STAC: variants seen among roughly 807,000 people sequenced by gnomAD.
STAC encodes the protein SH3 and cysteine rich domain.
In STAC, 43 loss-of-function variants were observed where a neutral mutation model predicts 48.8. The observed-to-expected ratio is 0.88, with a 90% confidence interval of 0.69 to 1.14. The LOEUF (loss-of-function observed/expected upper bound fraction) is 1.14, where lower values mean the gene tolerates loss of function less well. STAC is among the 50% of genes most tolerant of loss of function. The pLI, the probability that STAC is intolerant of heterozygous loss-of-function variation, is 0.00. For missense variants in STAC, 497 were observed against 504.0 expected, an observed-to-expected ratio of 0.99 and a Z score of 0.13; for synonymous variants, 193 against 179.5, an observed-to-expected ratio of 1.07 and a Z score of -0.60.
At chr3:36,456,583 C>T (rs1263563566) in intron 2 of STAC, among the ~76,000 whole-genome samples, 3 of 152,112 alleles carry the variant, frequency 2.0e-5, no homozygotes, top group Non-Finnish European at 4.4e-5. Flanking sequence ...GAGGTCTAGT[C>T]TCTTACATCA....
intron 2 of STAC, among the ~76,000 whole-genome samples, chr3:36,474,318 T>C (rs1196039390): frequency 6.6e-6 from 1 of 152,172 alleles, no homozygotes; most frequent in Admixed American, 6.5e-5. Flanking sequence ...TCTTCTAAGG[T>C]AAACTTTTGG....
At chr3:36,394,950 T>C (rs1005168174) in intron 1 of STAC, among the ~76,000 whole-genome samples, 16 of 151,574 alleles carry the variant, frequency 1.1e-4, no homozygotes, top group African/African-American at 3.6e-4. Flanking sequence ...TATGAATGTA[T>C]ACTGTGAGGT....
chr3:36,511,006 A>G (rs549659214), intron 8 of STAC, among the ~76,000 whole-genome samples: 18 of 151,730 alleles, frequency 1.2e-4, no homozygotes, highest in African/African-American at 4.3e-4. Flanking sequence ...TAACATTGAT[A>G]GAAAAATCAA....
At chr3:36,507,278 C>A (rs1161591427) in intron 8 of STAC, among the ~76,000 whole-genome samples, 1 of 152,114 alleles carries the variant, frequency 6.6e-6, no homozygotes, top group Admixed American at 6.6e-5. Flanking sequence ...CTGACTTGAT[C>A]GAGGTGGATA....
At chr3:36,473,586 T>C (rs1370715534) in intron 2 of STAC, among the ~76,000 whole-genome samples, 1 of 152,170 alleles carries the variant, frequency 6.6e-6, no homozygotes, top group Non-Finnish European at 1.5e-5. Context: ...TGGTTCAAAG[T>C]CTCAGAGCTG....
intron 2 of STAC, among the ~76,000 whole-genome samples, chr3:36,444,117 G>T (rs892849274): frequency 6.6e-6 from 1 of 152,158 alleles, no homozygotes; most frequent in African/African-American, 2.4e-5. Context: ...TCAGTTAAGG[G>T]GTAGGATATT....
intron 2 of STAC, among the ~76,000 whole-genome samples, chr3:36,453,356 G>A (rs959310941): frequency 4.6e-5 from 7 of 152,342 alleles, no homozygotes; most frequent in East Asian, 3.9e-4. Flanking sequence ...GAGAGGCGTG[G>A]GCGGGAACCG....
chr3:36,452,340 C>T (rs115241107), intron 2 of STAC, among the ~76,000 whole-genome samples: 1,948 of 152,262 alleles, frequency 0.013, 51 homozygotes, highest in African/African-American at 0.042. Context: ...TATAGTATAA[C>T]CTTTCAAGGC....
chr3:36,427,944 G>A lies in STAC; in HGVS notation c.112-15420G>A, dbSNP rs73061999. On this transcript the variant is annotated intron_variant, in intron 1 of 10. Transcript: ENST00000273183. ...AAGCCCACACTGAGGAACATTCTAC[G>A]AGACAATTATTCTGTACTCTTTAAA... 3.0e-3 allele frequency among the ~76,000 whole-genome samples: 459 copies of A among 152,192 alleles called. 1 individual carries two copies. The highest frequency in any genetic ancestry group is 5.2e-3 in the Non-Finnish European group (355 of 67,996).
chr3:36,408,020 G>C (rs1283779192), intron 1 of STAC, among the ~76,000 whole-genome samples: 1 of 152,184 alleles, frequency 6.6e-6, no homozygotes, highest in Non-Finnish European at 1.5e-5. Flanking sequence ...TCAGTAACTA[G>C]AGGCCACTGT....
chr3:36,432,778 G>T (rs946900841), intron 1 of STAC, among the ~76,000 whole-genome samples: 2 of 149,268 alleles, frequency 1.3e-5, no homozygotes, highest in African/African-American at 4.9e-5. Context: ...GCATCTTTCG[G>T]ACCCATTTTC....
chr3:36,401,675 G>A (rs2125627392), intron 1 of STAC, among the ~76,000 whole-genome samples: 1 of 152,310 alleles, frequency 6.6e-6, no homozygotes, highest in African/African-American at 2.4e-5. Context: ...ACAGAAGGCA[G>A]AGCCAGATAT....
At position 36,546,306 on chromosome 3, in the gene STAC, C is replaced by T. The variant is rs936083682; in HGVS notation, c.*17C>T. On this transcript the variant is annotated 3_prime_UTR_variant, in exon 11 of 11. Coordinates refer to ENST00000273183, the MANE Select transcript of STAC (RefSeq NM_003149.3). ...AACATCTGATTGCTGGCTCCTCCTC[C>T]GTTTGCAGTAGGCAAGCTCTGCTGC... 10 of 1,608,170 alleles carry T rather than the reference C, an allele frequency of 6.2e-6. No homozygotes were observed. The highest frequency in any genetic ancestry group is 5.0e-5 in the Admixed American group (3 of 59,998).
chr3:36,467,526 TA>T (rs1256396154), intron 2 of STAC, among the ~76,000 whole-genome samples: 51 of 152,284 alleles, frequency 3.3e-4, no homozygotes, highest in African/African-American at 1.2e-3. Flanking sequence ...CACTGCTTGT[TA>T]ATTGGTCTGT....
At chr3:36,498,626 G>T (rs1402252154) in intron 6 of STAC, among the ~76,000 whole-genome samples, 1 of 152,036 alleles carries the variant, frequency 6.6e-6, no homozygotes, top group African/African-American at 2.4e-5. Flanking sequence ...GGTGGTGCCT[G>T]TCTGTAATCC....
chr3:36,430,920 C>T (rs959484126), intron 1 of STAC, among the ~76,000 whole-genome samples: 2 of 152,150 alleles, frequency 1.3e-5, no homozygotes, highest in African/African-American at 2.4e-5. Flanking sequence ...TCTGCAAAAG[C>T]CCTGTCTCCA....
Position 36,443,317 on chromosome 3 carries a change from C to A in STAC, c.112-47C>A. On this transcript the variant is annotated intron_variant, in intron 1 of 10. Transcript: ENST00000273183. This position sits in a 1 kb window ranked among gnomAD's most constrained non-coding sequence, Gnocchi z 4.2. ...ACCTTACCCCCACAGCCTAGGTCTG[C>A]TTGATCCATTGATCGTAAGAGAGAC... 2.5e-6 allele frequency: 4 copies of A among 1,608,180 alleles called. No individual in the cohort carries two copies. The highest frequency in any genetic ancestry group is 3.4e-6 in the Non-Finnish European group (4 of 1,177,312).
chr3:36,495,547 G>A (rs1040956398), intron 6 of STAC, among the ~76,000 whole-genome samples: 1 of 152,186 alleles, frequency 6.6e-6, no homozygotes. Context: ...TCTATCTGCT[G>A]CTTCTCAAAA....
Position 36,493,159 on chromosome 3 carries a change from T to C in STAC, c.696T>C (p.Asp232=). The change falls in exon 6 of 11, where the codon GAT becomes GAC. Residue 232 remains aspartate (D), a synonymous_variant. Transcript: ENST00000273183. ...SDSPHRTSTS[D]LVEVPEEANG... ...TTCTTCTTTCCTCCAAGACTTCAGA[T>C]CTTGTGGAGGTTCCTGAGGAAGCCA... The C allele has an allele frequency of 6.2e-7, 1 of 1,613,216 alleles. No individual in the cohort carries two copies. Among genetic ancestry groups the C allele is most frequent in the Non-Finnish European group, 8.5e-7 (1 of 1,179,464 alleles).
Sources: allele counts gnomAD v4.1 joint callset (sites outside exome capture counted in the v4.1 genomes callset), GRCh38; gene constraint gnomAD v4.1.1; non-coding constraint Gnocchi (gnomAD v3.1); transcripts MANE v1.5; gene names NCBI Gene and HGNC (gene_info 2026-07-23, HGNC 2026-07-21).